The following SCARA5 variants were observed in gnomAD, a reference collection of about 807,000 sequenced individuals.
The protein encoded by SCARA5 is scavenger receptor class A, member 5 (putative).
In SCARA5, 45 loss-of-function variants were observed where a neutral mutation model predicts 46.3. The ratio of observed to expected loss-of-function variants is 0.97; its 90% confidence interval spans 0.76 to 1.24. SCARA5 has a LOEUF of 1.24. SCARA5 is among the 50% of genes most tolerant of loss of function. The pLI is 0.00. For missense variants in SCARA5, 680 were observed against 689.0 expected (o/e 0.99, Z 0.15); for synonymous variants, 333 against 306.5 (o/e 1.09, Z -0.90).
rs757065594 is a variant in SCARA5 at position 27,879,581 on chromosome 8, G to C, written c.1339C>G (p.Arg447Gly). The C allele has an allele frequency of 2.5e-6, 4 of 1,607,802 alleles. No homozygotes were observed. Among genetic ancestry groups the C allele is most frequent in the Non-Finnish European group, 8.5e-7 (1 of 1,179,936 alleles). Residue 447 changes from arginine to glycine, a missense_variant, in exon 8 of 9, where the codon CGA becomes GGA. Transcript: ENST00000354914. ...RGVEEVYRTA[R>G]FGQGTGRIWM... ...CAGAGCGCCTTACCTTGCCCGAATC[G>C]AGCTGTGCGGTACACCTCCTCCACA...
Position 27,893,885 on chromosome 8 carries a change from T to G in SCARA5, c.1153+10893A>C, listed in dbSNP as rs369385793. 5.2e-4 allele frequency among the ~76,000 whole-genome samples: 79 copies of G among 152,306 alleles called. 2 individuals are homozygous for G. In the Middle Eastern group the frequency reaches 0.034, roughly 66 times the overall value. The stretch of plus-strand genomic sequence containing the variant: ...TTTATTACTCCGCCCCCAGCGGGTT[T>G]AGGAGGACTGTGTAGTGGCCAGTGG... On this transcript the variant is annotated intron_variant, in intron 7 of 8. Coordinates refer to ENST00000354914, the MANE Select transcript of SCARA5 (RefSeq NM_173833.6).
intron 8 of SCARA5, among the ~76,000 whole-genome samples, chr8:27,872,624 T>C (rs1054597729): frequency 6.6e-5 from 10 of 152,230 alleles, no homozygotes; most frequent in African/African-American, 2.4e-4. Flanking sequence ...AGCCTCTTCC[T>C]GGCCTGGATA....
intron 3 of SCARA5, among the ~76,000 whole-genome samples, chr8:27,963,481 G>T (rs1344034942): frequency 6.6e-6 from 1 of 152,180 alleles, no homozygotes; most frequent in East Asian, 1.9e-4. Flanking sequence ...GTCTCCTTGG[G>T]AGATGATGAC....
chr8:27,911,050 T>G (rs2726995), intron 4 of SCARA5, among the ~76,000 whole-genome samples: 84,711 of 151,986 alleles, frequency 0.56, 24,238 homozygotes, highest in Non-Finnish European at 0.63. Flanking sequence ...TTGCAGAATC[T>G]TCTTGCCAGC....
At chr8:27,945,826 A>G (rs1013885915) in intron 3 of SCARA5, among the ~76,000 whole-genome samples, 1 of 152,232 alleles carries the variant, frequency 6.6e-6, no homozygotes, top group East Asian at 1.9e-4. Flanking sequence ...AATGTATGGA[A>G]AGCTTGATGA....
intron 7 of SCARA5, among the ~76,000 whole-genome samples, chr8:27,886,912 G>T (rs1806905108): frequency 6.6e-6 from 1 of 152,164 alleles, no homozygotes; most frequent in Non-Finnish European, 1.5e-5. Flanking sequence ...TGTCAGTCCA[G>T]GGAGTTTTTT....
chr8:27,872,377 T>C (rs1485822474), intron 8 of SCARA5, among the ~76,000 whole-genome samples: 1 of 152,254 alleles, frequency 6.6e-6, no homozygotes, highest in Non-Finnish European at 1.5e-5. Flanking sequence ...TCTTAAACTC[T>C]GTCATTCACT....
At chr8:27,882,149 T>C (rs1377497402) in intron 7 of SCARA5, among the ~76,000 whole-genome samples, 1 of 152,212 alleles carries the variant, frequency 6.6e-6, no homozygotes, top group East Asian at 1.9e-4. Flanking sequence ...CCTTTTCAGA[T>C]TGGCATCTTT....
At chr8:27,953,388 C>T (rs971414204) in intron 3 of SCARA5, among the ~76,000 whole-genome samples, 3 of 152,190 alleles carry the variant, frequency 2.0e-5, no homozygotes, top group Non-Finnish European at 2.9e-5. Context: ...TTTTCATTGA[C>T]GCATTGCTCT....
At position 27,972,617 on chromosome 8, in the gene SCARA5, A is replaced by G. The variant is rs1178965350; in HGVS notation, c.113-6075T>C. On this transcript the variant is annotated intron_variant, in intron 2 of 8. Coordinates refer to ENST00000354914, the MANE Select transcript of SCARA5 (RefSeq NM_173833.6). ...CAGTGGCTCATGACTTAATCCCAGC[A>G]CTTCAGGAGGCTGAGATGGGAGGAT... Among the ~76,000 whole-genome samples, 6 of 152,210 alleles carry G rather than the reference A, an allele frequency of 3.9e-5. No homozygotes were observed. In the South Asian group the frequency reaches 1.2e-3, roughly 32 times the overall value.
intron 2 of SCARA5, among the ~76,000 whole-genome samples, chr8:27,968,841 T>C (rs1389475576): frequency 6.6e-6 from 1 of 152,172 alleles, no homozygotes; most frequent in Non-Finnish European, 1.5e-5. Context: ...TTTTTCCCCA[T>C]TAAAAAGAAT....
chr8:27,883,618 T>C (rs930147493), intron 7 of SCARA5, among the ~76,000 whole-genome samples: 8 of 152,218 alleles, frequency 5.3e-5, no homozygotes, highest in African/African-American at 1.9e-4. Flanking sequence ...TTGTGGGCTG[T>C]GGACTGGCAT....
chr8:27,930,902 C>T (rs1218255932), intron 3 of SCARA5, among the ~76,000 whole-genome samples: 3 of 152,146 alleles, frequency 2.0e-5, no homozygotes, highest in Non-Finnish European at 4.4e-5. Context: ...GAGTATCAGA[C>T]TTCACAGAGC....
intron 3 of SCARA5, among the ~76,000 whole-genome samples, chr8:27,964,241 T>C (rs149677514): frequency 6.6e-6 from 1 of 152,182 alleles, no homozygotes; most frequent in East Asian, 1.9e-4. Flanking sequence ...GAGGCCAGCA[T>C]GATTCTCCAG....
chr8:27,906,562 G>T (rs371388690), intron 6 of SCARA5, among the ~76,000 whole-genome samples: 1 of 152,316 alleles, frequency 6.6e-6, no homozygotes, highest in African/African-American at 2.4e-5. Flanking sequence ...GGCTTTCTCT[G>T]GTTACATCTC....
intron 4 of SCARA5, 48 bp downstream of exon 4, chr8:27,921,523 C>T: frequency 2.0e-6 from 3 of 1,476,968 alleles, no homozygotes; most frequent in Non-Finnish European, 2.7e-6. Context: ...AGGAGGAAGA[C>T]CCCATCAGAA....
intron 8 of SCARA5, among the ~76,000 whole-genome samples, chr8:27,874,487 G>C (rs1806692167): frequency 1.3e-5 from 2 of 152,198 alleles, no homozygotes; most frequent in African/African-American, 4.8e-5. Flanking sequence ...TATAAATAAA[G>C]TTGTATTGGA....
Position 27,945,082 on chromosome 8 carries a change from C to T in SCARA5, c.241+21332G>A, listed in dbSNP as rs528201018. 2.6e-5 allele frequency among the ~76,000 whole-genome samples: 4 copies of T among 151,862 alleles called. No homozygotes were observed. In the East Asian group the frequency reaches 5.8e-4, roughly 22 times the overall value. ...CAGGAGGCTGAGGTAGGAGGATCAT[C>T]TGAGTTCAGGAAGAAGAGGCTGCAG... On this transcript the variant is annotated intron_variant, in intron 3 of 8. Coordinates refer to ENST00000354914, the MANE Select transcript of SCARA5 (RefSeq NM_173833.6).
intron 2 of SCARA5, among the ~76,000 whole-genome samples, chr8:27,974,990 G>A (rs1808502022): frequency 6.6e-6 from 1 of 152,150 alleles, no homozygotes; most frequent in South Asian, 2.1e-4. Context: ...GTATTCATGA[G>A]ATGACTGGAT....
Sources: gnomAD v4.1 joint callset for allele counts (sites outside exome capture counted in the v4.1 genomes callset) on GRCh38, gnomAD v4.1.1 for gene constraint, MANE v1.5 for transcripts, NCBI Gene and HGNC (gene_info 2026-07-23, HGNC 2026-07-21) for gene names.